The following WSCD2 variants were observed in gnomAD, a reference collection of about 807,000 sequenced individuals.
WSCD2 encodes WSC domain sialate O sulfotransferase 2.
A neutral mutation model predicts 55.7 loss-of-function variants in WSCD2; 28 were observed. The observed-to-expected ratio is 0.50, with a 90% CI of 0.37 to 0.69. The LOEUF (loss-of-function observed/expected upper bound fraction) is 0.69. WSCD2 is among the 30% of genes least tolerant of loss of function. The pLI is 0.00. For synonymous variants in WSCD2, 301 were observed against 301.9 expected, an observed-to-expected ratio of 1.00 and a Z score of 0.03; for missense variants, 616 against 762.1, an observed-to-expected ratio of 0.81 and a Z score of 2.26.
At position 108,249,879 on chromosome 12, in the gene WSCD2, C is replaced by G. The variant is rs960797747; in HGVS notation, c.*1536C>G. ...GGATTTGGGCTGCCCCAGGCCCACC[C>G]AGGGGGCTCTGAATGTATTTTGTAC... On this transcript the variant is annotated 3_prime_UTR_variant, in exon 9 of 9. Transcript: ENST00000547525. The G allele has an allele frequency of 6.5e-6, 1 of 152,672 alleles. No individual in the cohort carries two copies. Among genetic ancestry groups the G allele is most frequent in the Non-Finnish European group, 1.5e-5 (1 of 68,052 alleles). 9.5% of individuals were successfully genotyped at this position (152,672 alleles called of 1,614,324 possible). A position where few individuals can be genotyped will look rare whatever the true frequency, so the allele number is the denominator to read the frequency against.
At chr12:108,178,348 CT>C (rs370286090) in intron 1 of WSCD2, among the ~76,000 whole-genome samples, 120 of 152,282 alleles carry the variant, frequency 7.9e-4, no homozygotes, top group African/African-American at 2.2e-3. Flanking sequence ...AACACCCCCC[CT>C]AATAAAAAGT....
chr12:108,223,468 T>C (rs1323003729), intron 4 of WSCD2, among the ~76,000 whole-genome samples: 1 of 152,226 alleles, frequency 6.6e-6, no homozygotes, highest in African/African-American at 2.4e-5. Flanking sequence ...AATTCCACTT[T>C]CAGTAGAATT....
At chr12:108,232,992 T>C (rs931227730) in intron 7 of WSCD2, 97 bp downstream of exon 7, 7 of 1,489,252 alleles carry the variant, frequency 4.7e-6, no homozygotes, top group East Asian at 2.3e-5. Flanking sequence ...GAGTATCTAC[T>C]GTGTGCCACT....
At chr12:108,193,488 C>T (rs930068311) in intron 1 of WSCD2, among the ~76,000 whole-genome samples, 1 of 151,350 alleles carries the variant, frequency 6.6e-6, no homozygotes, top group African/African-American at 2.4e-5. Flanking sequence ...TGCTATAGTT[C>T]AGATGGATAG....
intron 1 of WSCD2, among the ~76,000 whole-genome samples, chr12:108,158,144 A>G (rs1878704079): frequency 6.6e-6 from 1 of 152,170 alleles, no homozygotes; most frequent in South Asian, 2.1e-4. Context: ...TTCAGTGGCC[A>G]TACACCTCTG....
chr12:108,178,942 C>T (rs77662485), intron 1 of WSCD2, among the ~76,000 whole-genome samples: 5,771 of 152,240 alleles, frequency 0.038, 320 homozygotes, highest in African/African-American at 0.13. Context: ...TTCTCACAAC[C>T]TCTGAAGGAG....
intron 6 of WSCD2, among the ~76,000 whole-genome samples, chr12:108,230,150 T>G (rs193198720): frequency 6.6e-6 from 1 of 152,304 alleles, no homozygotes; most frequent in East Asian, 1.9e-4. Context: ...ATATTTTAAG[T>G]GTACTAGTTA....
chr12:108,130,573 C>T (rs1294673765), intron 1 of WSCD2, among the ~76,000 whole-genome samples: 3 of 151,730 alleles, frequency 2.0e-5, no homozygotes, highest in Non-Finnish European at 4.4e-5. Context: ...CAAATCGCCT[C>T]CTTGCAAGCC....
intron 1 of WSCD2, among the ~76,000 whole-genome samples, chr12:108,166,912 A>G (rs973445887): frequency 6.6e-6 from 1 of 150,540 alleles, no homozygotes; most frequent in African/African-American, 2.4e-5. Flanking sequence ...CCCGGATCCA[A>G]GTGATTCTCC....
chr12:108,186,200 T>TA (rs1882467281), intron 1 of WSCD2, among the ~76,000 whole-genome samples: 1 of 152,176 alleles, frequency 6.6e-6, no homozygotes, highest in African/African-American at 2.4e-5. Flanking sequence ...CCTTTTTAAA[T>TA]AGACTTTTAA....
intron 2 of WSCD2, among the ~76,000 whole-genome samples, chr12:108,204,857 C>T (rs988565355): frequency 2.6e-5 from 4 of 152,212 alleles, no homozygotes; most frequent in Non-Finnish European, 5.9e-5. Context: ...CTGCTCTCCC[C>T]ACAAGGAAGC....
At chr12:108,243,131 A>G (rs1241606018) in intron 8 of WSCD2, among the ~76,000 whole-genome samples, 1 of 152,240 alleles carries the variant, frequency 6.6e-6, no homozygotes, top group African/African-American at 2.4e-5. Context: ...AAGGTCCTGA[A>G]TCAGTGGCAT....
intron 1 of WSCD2, among the ~76,000 whole-genome samples, chr12:108,140,673 C>T (rs1041330578): frequency 2.6e-5 from 4 of 152,142 alleles, no homozygotes; most frequent in Admixed American, 2.0e-4. Context: ...GATCTTCTGC[C>T]CTCACCCCTC....
chr12:108,233,961 A>T (rs1285418183), intron 7 of WSCD2, among the ~76,000 whole-genome samples: 1 of 152,134 alleles, frequency 6.6e-6, no homozygotes, highest in South Asian at 2.1e-4. Context: ...AATTTACTGT[A>T]CCTACCTCTC....
intron 4 of WSCD2, among the ~76,000 whole-genome samples, chr12:108,221,423 G>A (rs1436324643): frequency 6.6e-6 from 1 of 152,136 alleles, no homozygotes; most frequent in Non-Finnish European, 1.5e-5. Context: ...GGGTGTGGTG[G>A]TGCACATCTT....
intron 1 of WSCD2, among the ~76,000 whole-genome samples, chr12:108,168,916 C>T (rs1349404431): frequency 2.0e-5 from 3 of 152,196 alleles, no homozygotes; most frequent in African/African-American, 4.8e-5. Context: ...TGGTCCTCAA[C>T]CACTGGGCCA....
intron 6 of WSCD2, 81 bp from the exon 7 acceptor site, chr12:108,232,650 G>T (rs1356561592): frequency 1.9e-5 from 26 of 1,382,910 alleles, no homozygotes; most frequent in Non-Finnish European, 2.5e-5. Context: ...AGTGGCAGGG[G>T]TGTGACTCAT....
chr12:108,142,530 T>A (rs561369856), intron 1 of WSCD2, among the ~76,000 whole-genome samples: 16 of 152,236 alleles, frequency 1.1e-4, no homozygotes, highest in Non-Finnish European at 2.2e-4. Context: ...ATAATTTACT[T>A]CAATCTCCTT....
At chr12:108,207,627 T>C (rs113977482) in intron 3 of WSCD2, among the ~76,000 whole-genome samples, 9,655 of 149,022 alleles carry the variant, frequency 0.065, 458 homozygotes, top group African/African-American at 0.13. Context: ...GACCTCGTGA[T>C]CTGCCCACCT....
Sources: allele counts gnomAD v4.1 joint callset (sites outside exome capture counted in the v4.1 genomes callset), GRCh38; gene constraint gnomAD v4.1.1; transcripts MANE v1.5; gene names NCBI Gene and HGNC (gene_info 2026-07-23, HGNC 2026-07-21).